The following PITPNB variants were observed in gnomAD, a reference collection of about 807,000 sequenced individuals.
The protein encoded by PITPNB is phosphatidylinositol transfer protein beta, also known as phosphatidylinositol transfer protein beta isoform.
In PITPNB, 16 loss-of-function variants were observed where a neutral mutation model predicts 45.9. The ratio of observed to expected loss-of-function variants is 0.35; its 90% CI spans 0.24 to 0.53. The LOEUF (loss-of-function observed/expected upper bound fraction) is 0.53. Among genes scored for constraint, PITPNB ranks in the 20% least tolerant of loss-of-function variants. PITPNB has a pLI of 0.93. For synonymous variants in PITPNB, 112 were observed against 108.9 expected (o/e 1.03, Z -0.18); for missense variants, 188 against 330.5 (o/e 0.57, Z 3.34).
At position 27,896,993 on chromosome 22, in the gene PITPNB, G is replaced by T. The variant is rs940399896; in HGVS notation, c.297+137C>A. 4 of 733,952 alleles carry T rather than the reference G, an allele frequency of 5.4e-6. No homozygotes were observed. In the African/African-American group the frequency reaches 6.9e-5, roughly 13 times the overall value. 45.5% of individuals were successfully genotyped at this position (733,952 alleles called of 1,614,324 possible). On this transcript the variant is annotated intron_variant, in intron 5 of 11. Transcript: ENST00000335272. ...GAACACTGGGAACATGTGGTAGAGT[G>T]TGGCGGCTGGTTGGTGGGACACAGG... is the stretch of plus-strand genomic sequence containing the variant.
chr22:27,869,100 C>T lies in PITPNB; in HGVS notation c.534+4638G>A, dbSNP rs150195158. On this transcript the variant is annotated intron_variant, in intron 8 of 11. Transcript: ENST00000335272. ...GTACACACACACACACACACAAACA[C>T]ACGTGCACACAGTGCTATAGAGAAA... is the stretch of plus-strand genomic sequence containing the variant. Among the ~76,000 whole-genome samples, 1,055 of 152,238 alleles carry T rather than the reference C, an allele frequency of 6.9e-3. 7 individuals carry two copies. The highest frequency in any genetic ancestry group is 0.023 in the African/African-American group (939 of 41,534).
At chr22:27,906,360 G>A (rs1279378169) in intron 3 of PITPNB, among the ~76,000 whole-genome samples, 4 of 152,214 alleles carry the variant, frequency 2.6e-5, no homozygotes, top group Non-Finnish European at 5.9e-5. Context: ...GACTTTAGAC[G>A]TTAAAGACTT....
In PITPNB at chr22:27,853,529, T is replaced by C. The variant is rs1601369031; in HGVS notation, c.*173A>G. On this transcript the variant is annotated 3_prime_UTR_variant, in exon 12 of 12. Transcript: ENST00000335272. ...CACACATACATATATACACACGTGG[T>C]TGAGAACCTGTGCATGTGTGTGTAT... 3.8e-6 allele frequency: 4 copies of C among 1,054,254 alleles called. No homozygotes were observed. Among genetic ancestry groups the C allele is most frequent in the East Asian group, 2.6e-5 (1 of 38,752 alleles). The allele number at this position is 1,054,254 out of a possible 1,614,324, so 65.3% of individuals were successfully genotyped here. A position where few individuals can be genotyped will look rare whatever the true frequency, so the allele number is the denominator to read the frequency against.
intron 11 of PITPNB, 26 bp downstream of exon 11, chr22:27,854,828 A>C: frequency 6.8e-7 from 1 of 1,479,834 alleles, no homozygotes; most frequent in Non-Finnish European, 9.4e-7. Flanking sequence ...GTTTCGAAAC[A>C]TCTTTTTACC....
intron 8 of PITPNB, among the ~76,000 whole-genome samples, chr22:27,872,597 C>T (rs1462654262): frequency 1.3e-5 from 2 of 152,164 alleles, no homozygotes; most frequent in African/African-American, 2.4e-5. Context: ...AGACAGTCCA[C>T]AAAACAGTCT....
intron 7 of PITPNB, among the ~76,000 whole-genome samples, chr22:27,893,917 T>C (rs537733805): frequency 3.3e-5 from 5 of 152,306 alleles, no homozygotes; most frequent in Admixed American, 6.5e-5. Flanking sequence ...TGCTTACATA[T>C]ATAATCTTTA....
chr22:27,904,892 A>T (rs1483227371), intron 3 of PITPNB, among the ~76,000 whole-genome samples: 1 of 152,220 alleles, frequency 6.6e-6, no homozygotes, highest in South Asian at 2.1e-4. Context: ...GAATTACAAA[A>T]AACAAAGAGA....
At chr22:27,908,280 T>C (rs1403902778) in intron 3 of PITPNB, among the ~76,000 whole-genome samples, 1 of 138,212 alleles carries the variant, frequency 7.2e-6, no homozygotes, top group African/African-American at 2.6e-5. Flanking sequence ...AAATCACCCA[T>C]ATCCCACTAC....
intron 11 of PITPNB, 111 bp from the exon 12 acceptor site, chr22:27,853,774 G>A (rs2146341290): frequency 1.3e-6 from 1 of 753,560 alleles, no homozygotes; most frequent in East Asian, 2.7e-5. Context: ...GGCAGAAAAT[G>A]TACCCCAACT....
intron 7 of PITPNB, among the ~76,000 whole-genome samples, chr22:27,879,571 T>C (rs958824711): frequency 7.2e-5 from 11 of 152,148 alleles, no homozygotes; most frequent in African/African-American, 2.2e-4. Flanking sequence ...TTATTACTAG[T>C]ATATGTTTAT....
At chr22:27,916,972 G>T (rs1003249457) in intron 1 of PITPNB, among the ~76,000 whole-genome samples, 1 of 152,098 alleles carries the variant, frequency 6.6e-6, no homozygotes, top group Non-Finnish European at 1.5e-5. Context: ...GAACAACACT[G>T]AATTCTTTAG....
chr22:27,866,290 C>T (rs749086672), intron 8 of PITPNB, among the ~76,000 whole-genome samples: 1 of 152,150 alleles, frequency 6.6e-6, no homozygotes, highest in Non-Finnish European at 1.5e-5. Flanking sequence ...GAATTCCTTA[C>T]ATTTCATGTT....
chr22:27,890,813 C>CAA (rs1935256075), intron 7 of PITPNB, among the ~76,000 whole-genome samples: 1 of 151,810 alleles, frequency 6.6e-6, no homozygotes, highest in East Asian at 1.9e-4. Flanking sequence ...GACTCTGTCT[C>CAA]AAAAACAAAA....
At position 27,919,223 on chromosome 22, in the gene PITPNB, T is replaced by TACC. The variant is rs756625493; in HGVS notation, c.-35_-33dup. On this transcript the variant is annotated 5_prime_UTR_variant, in exon 1 of 12. Transcript: ENST00000335272. ...GGAACCCCCTCACAGCTGCCGCCGA[T>TACC]ACCACCGCCGCCGCCGCCGCTACCG... 8.2e-6 allele frequency: 13 copies of TACC among 1,589,778 alleles called. No homozygotes were observed. The South Asian group carries it at 8.8e-5, about 11-fold the overall frequency.
intron 8 of PITPNB, 128 bp downstream of exon 8, chr22:27,873,610 T>C (rs1934733335): frequency 4.7e-6 from 3 of 639,258 alleles, no homozygotes; most frequent in Non-Finnish European, 8.6e-6. Context: ...TAAGTCCTTA[T>C]CGCAAATAAA....
intron 3 of PITPNB, among the ~76,000 whole-genome samples, chr22:27,904,503 G>A (rs745734238): frequency 1.3e-4 from 20 of 152,190 alleles, no homozygotes; most frequent in African/African-American, 2.9e-4. Context: ...TAATGAATAC[G>A]AGATTTCTTT....
At chr22:27,871,718 G>T (rs1429656142) in intron 8 of PITPNB, among the ~76,000 whole-genome samples, 1 of 152,144 alleles carries the variant, frequency 6.6e-6, no homozygotes, top group African/African-American at 2.4e-5. Flanking sequence ...TCACTTTCTG[G>T]GTAATATAGA....
At chr22:27,877,604 G>A (rs1420062709) in intron 7 of PITPNB, among the ~76,000 whole-genome samples, 2 of 152,086 alleles carry the variant, frequency 1.3e-5, no homozygotes, top group African/African-American at 4.8e-5. Context: ...AATAGAAACC[G>A]GATTCATTTC....
chr22:27,908,741 T>C (rs1935834712), intron 3 of PITPNB, among the ~76,000 whole-genome samples: 2 of 152,102 alleles, frequency 1.3e-5, no homozygotes, highest in African/African-American at 4.8e-5. Context: ...AATGCCAAAA[T>C]CTTCTCTCAA....
Sources: gnomAD v4.1 joint callset for allele counts (sites outside exome capture counted in the v4.1 genomes callset) on GRCh38, gnomAD v4.1.1 for gene constraint, MANE v1.5 for transcripts, NCBI Gene and HGNC (gene_info 2026-07-23, HGNC 2026-07-21) for gene names.